Variants in NOL4 observed in about 807,000 individuals in gnomAD.
The protein encoded by NOL4 is cancer/testis antigen 125.
NOL4 carries 17 observed loss-of-function variants against 75.9 expected under a neutral mutation model. The observed-to-expected ratio is 0.22, with a 90% CI of 0.15 to 0.34. NOL4 has a LOEUF of 0.34. NOL4 is among the 10% of genes least tolerant of loss of function. NOL4 has a pLI of 1.00. For missense variants in NOL4, 614 were observed against 793.5 expected (o/e 0.77, Z 2.72); for synonymous variants, 292 against 289.9 (o/e 1.01, Z -0.07).
chr18:33,882,069 G>T (rs1390159252), intron 10 of NOL4, among the ~76,000 whole-genome samples: 5 of 152,134 alleles, frequency 3.3e-5, no homozygotes, highest in Non-Finnish European at 7.3e-5. Flanking sequence ...ATGGATTAAA[G>T]ACTTAAACGT....
At chr18:33,947,191 AG>A (rs1377411976) in intron 8 of NOL4, among the ~76,000 whole-genome samples, 1 of 151,880 alleles carries the variant, frequency 6.6e-6, no homozygotes, top group Admixed American at 6.6e-5. Flanking sequence ...TCATTATAAA[AG>A]TAATATTACA....
chr18:34,183,869 G>T (rs1346878055), intron 1 of NOL4, among the ~76,000 whole-genome samples: 1 of 151,874 alleles, frequency 6.6e-6, no homozygotes, highest in Non-Finnish European at 1.5e-5. Flanking sequence ...CAATGTTATG[G>T]TTGTGGTGGT....
chr18:33,972,014 A>G (rs894431740), intron 6 of NOL4, among the ~76,000 whole-genome samples: 8 of 151,986 alleles, frequency 5.3e-5, no homozygotes, highest in Non-Finnish European at 1.2e-4. Flanking sequence ...AAAAAGTACA[A>G]AAATTAGCTG....
At chr18:33,931,121 T>G (rs547317553) in intron 9 of NOL4, among the ~76,000 whole-genome samples, 1 of 152,304 alleles carries the variant, frequency 6.6e-6, no homozygotes, top group African/African-American at 2.4e-5. Flanking sequence ...ATGCAAAGCC[T>G]ACTGAAAATG....
chr18:33,937,795 A>G (rs1341811099), intron 9 of NOL4, among the ~76,000 whole-genome samples: 4 of 152,138 alleles, frequency 2.6e-5, no homozygotes, highest in Admixed American at 6.6e-5. Flanking sequence ...CACTTTTAAG[A>G]TACTAATTAT....
intron 1 of NOL4, among the ~76,000 whole-genome samples, chr18:34,134,447 GACACACACACACACACACACACAC>G (rs199707766): frequency 8.9e-5 from 12 of 134,158 alleles, no homozygotes; most frequent in South Asian, 2.8e-4. Context: ...GACTCCAAGT[GACACACACACACACACACACACAC>G]ACACACACAC....
intron 5 of NOL4, among the ~76,000 whole-genome samples, chr18:34,084,621 C>T (rs1235424686): frequency 2.6e-5 from 4 of 152,146 alleles, no homozygotes; most frequent in Non-Finnish European, 4.4e-5. Flanking sequence ...GTCCCCAAAG[C>T]ACTCCCAGTC....
chr18:34,019,655 C>A (rs1489184290), intron 5 of NOL4, 54 bp from the exon 6 acceptor site: 9 of 1,484,548 alleles, frequency 6.1e-6, no homozygotes, highest in African/African-American at 1.4e-5. Context: ...TATTCAGAGT[C>A]TACTTCAACT....
intron 5 of NOL4, among the ~76,000 whole-genome samples, chr18:34,085,396 C>T (rs1186339064): frequency 6.6e-6 from 1 of 152,090 alleles, no homozygotes; most frequent in Non-Finnish European, 1.5e-5. Flanking sequence ...ACCAAAAGAG[C>T]AATATCTCAA....
intron 4 of NOL4, among the ~76,000 whole-genome samples, chr18:34,102,930 C>T (rs1328234388): frequency 6.6e-6 from 1 of 151,676 alleles, no homozygotes; most frequent in African/African-American, 2.4e-5. Context: ...ATATAAAATC[C>T]AATATTGCCA....
chr18:34,110,704 A>T (rs4395148), intron 2 of NOL4, among the ~76,000 whole-genome samples: 41,457 of 151,954 alleles, frequency 0.27, 6,713 homozygotes, highest in East Asian at 0.44. Context: ...AGTTAGAAAA[A>T]GATAAGCCAT....
chr18:34,112,093 G>A (rs1051547205), intron 2 of NOL4, among the ~76,000 whole-genome samples: 1 of 152,072 alleles, frequency 6.6e-6, no homozygotes, highest in Non-Finnish European at 1.5e-5. Context: ...ACTAGGCCAG[G>A]TACGGTGGCC....
At chr18:34,184,463 A>G (rs183906457) in intron 1 of NOL4, among the ~76,000 whole-genome samples, 298 of 152,204 alleles carry the variant, frequency 2.0e-3, no homozygotes, top group Admixed American at 3.7e-3. Context: ...CTACTTTGAC[A>G]TTCTTCCACA....
chr18:34,194,544 G>A lies in NOL4; in HGVS notation c.264+28446C>T, dbSNP rs201246160. 1.1e-4 allele frequency among the ~76,000 whole-genome samples: 16 copies of A among 151,858 alleles called. 1 individual carries two copies. In the East Asian group the frequency reaches 1.2e-3, roughly 11 times the overall value. On this transcript the variant is annotated intron_variant, in intron 1 of 10. Coordinates refer to ENST00000261592, the MANE Select transcript of NOL4 (RefSeq NM_003787.5). ...TTTATTGGATTTATTAAATTACCTC[G>A]TAAGTAAGCTGGGAAAAAAAATGTA...
At chr18:34,060,483 T>G (rs2077025545) in intron 5 of NOL4, among the ~76,000 whole-genome samples, 1 of 152,238 alleles carries the variant, frequency 6.6e-6, no homozygotes, top group Admixed American at 6.5e-5. Context: ...CATTTATTTC[T>G]TATTAAAATA....
chr18:33,927,328 C>T (rs867369631), intron 9 of NOL4, among the ~76,000 whole-genome samples: 91 of 152,236 alleles, frequency 6.0e-4, no homozygotes, highest in African/African-American at 1.8e-3. Flanking sequence ...ATAAATGTAA[C>T]TTGGGTTTTG....
intron 10 of NOL4, among the ~76,000 whole-genome samples, chr18:33,859,047 A>G (rs2144214902): frequency 6.6e-6 from 1 of 152,180 alleles, no homozygotes; most frequent in African/African-American, 2.4e-5. Flanking sequence ...TTTTTAAAAA[A>G]GCCCTTTCAA....
At chr18:34,006,168 T>G (rs4799358) in intron 6 of NOL4, among the ~76,000 whole-genome samples, 62,982 of 151,954 alleles carry the variant, frequency 0.41, 13,618 homozygotes, top group Non-Finnish European at 0.48. Context: ...TTTGATAACT[T>G]GTACAGTTCT....
At chr18:33,986,620 C>T (rs2072477325) in intron 6 of NOL4, among the ~76,000 whole-genome samples, 1 of 152,066 alleles carries the variant, frequency 6.6e-6, no homozygotes, top group Admixed American at 6.6e-5. Context: ...CCATGGAAAG[C>T]CAAACCAAAG....
Sources: gnomAD v4.1 joint callset for allele counts (sites outside exome capture counted in the v4.1 genomes callset) on GRCh38, gnomAD v4.1.1 for gene constraint, MANE v1.5 for transcripts, NCBI Gene and HGNC (gene_info 2026-07-23, HGNC 2026-07-21) for gene names.